The following ZSCAN18 variants were observed in gnomAD, a reference collection of about 807,000 sequenced individuals.
The protein encoded by ZSCAN18 is zinc finger and SCAN domain containing 18.
In ZSCAN18, 16 loss-of-function variants were observed where a neutral mutation model predicts 31.1. That is an observed-to-expected ratio of 0.51 (90% CI 0.35 to 0.78). The LOEUF is 0.78. Ranked by LOEUF, ZSCAN18 falls within the 30% of genes least tolerant of loss-of-function variation. The pLI is 0.01. For synonymous variants in ZSCAN18, 375 were observed against 320.7 expected (o/e 1.17, Z -1.81); for missense variants, 731 against 697.4 (o/e 1.05, Z -0.54).
chr19:58,087,078 G>T, intron 4 of ZSCAN18, 70 bp from the exon 5 acceptor site: 1 of 1,344,914 alleles, frequency 7.4e-7, no homozygotes. Context: ...CAGCCCCACA[G>T]CCACAGGAGC....
In ZSCAN18 at chr19:58,083,993, A is replaced by T. The variant is rs926816530; in HGVS notation, c.*692T>A. Reference sequence around the variant, plus strand: ...GTATGGGTGAAAAGTTTCACAAAACAGTATTTGCCTTTACTACATGATGCA... The same window carrying T: ...GTATGGGTGAAAAGTTTCACAAAACTGTATTTGCCTTTACTACATGATGCA... On this transcript the variant is annotated 3_prime_UTR_variant, in exon 7 of 7. Coordinates refer to ENST00000601144, the MANE Select transcript of ZSCAN18 (RefSeq NM_001145543.2). 1.3e-5 allele frequency: 2 copies of T among 152,244 alleles called. No homozygotes were observed. Among genetic ancestry groups the T allele is most frequent in the Non-Finnish European group, 2.9e-5 (2 of 68,048 alleles). 9.4% of individuals were successfully genotyped at this position (152,244 alleles called of 1,614,324 possible).
Position 58,090,420 on chromosome 19 carries a change from A to G in ZSCAN18, c.-119-34T>C, listed in dbSNP as rs1176168847. ...GACACGGACAAGGCAATGGCCTTGC[A>G]TAAGGCCAGGGCGCAGCCACCCCAG... On this transcript the variant is annotated intron_variant, in intron 1 of 6. Transcript: ENST00000601144. The surrounding 1 kb of genome is among the most constrained non-coding windows in gnomAD (Gnocchi z 4.7). The G allele has an allele frequency of 3.4e-6, 5 of 1,473,176 alleles. No individual in the cohort carries two copies. Among genetic ancestry groups the G allele is most frequent in the Non-Finnish European group, 4.5e-6 (5 of 1,107,116 alleles). 91.3% of individuals were successfully genotyped at this position (1,473,176 alleles called of 1,614,324 possible). A position where few individuals can be genotyped will look rare whatever the true frequency, so the allele number is the denominator to read the frequency against.
intron 2 of ZSCAN18, among the ~76,000 whole-genome samples, chr19:58,089,301 TCAAAAAAAAAAAA>T (rs1379950360): frequency 1.3e-4 from 1 of 7,864 alleles, no homozygotes; most frequent in South Asian, 0.012. Flanking sequence ...AGACTCCGTC[TCAAAAAAAAAAAA>T]AAAAAAAAAA....
In ZSCAN18 at chr19:58,087,410, G is replaced by A. The variant is rs1346177929; in HGVS notation, c.554-6C>T. ...GGGGTCCGGAGAAAGCCAGGCTGGG[G>A]AGAAGGAGAGGCAGAGCTGAGGCAA... On this transcript the variant is annotated splice_polypyrimidine_tract_variant and splice_region_variant and intron_variant, in intron 3 of 6. Transcript: ENST00000601144. 3 of 1,595,856 alleles carry A rather than the reference G, an allele frequency of 1.9e-6. No individual in the cohort carries two copies. Among genetic ancestry groups the A allele is most frequent in the Non-Finnish European group, 8.5e-7 (1 of 1,170,454 alleles).
chr19:58,094,250 A>AAAT (rs1555801562), intron 1 of ZSCAN18, among the ~76,000 whole-genome samples: 12 of 151,394 alleles, frequency 7.9e-5, no homozygotes, highest in African/African-American at 2.9e-4. Context: ...ACAAAAAAAA[A>AAAT]AATAATAATA....
intron 1 of ZSCAN18, among the ~76,000 whole-genome samples, chr19:58,105,844 T>C (rs983131495): frequency 2.6e-5 from 4 of 151,920 alleles, no homozygotes; most frequent in Non-Finnish European, 5.9e-5. Context: ...CCGGCCATAG[T>C]GGTACATGCC....
chr19:58,089,320 A>C (rs1270784530), intron 2 of ZSCAN18, among the ~76,000 whole-genome samples: 14 of 132,540 alleles, frequency 1.1e-4, no homozygotes, highest in East Asian at 4.2e-4. Flanking sequence ...AAAAAAAAAA[A>C]AAAAAAAAAA....
chr19:58,089,893 C>G lies in ZSCAN18; in HGVS notation c.375G>C (p.Glu125Asp). 6.2e-7 allele frequency: 1 copy of G among 1,612,726 alleles called. No individual in the cohort carries two copies. Among genetic ancestry groups the G allele is most frequent in the African/African-American group, 1.3e-5 (1 of 75,034 alleles). Residue 125 changes from glutamate (E) to aspartate (D), a missense_variant, in exon 2 of 7, where the codon GAG becomes GAC. Physicochemically the swap from Glu to Asp is conservative, Grantham distance 45. Coordinates refer to ENST00000601144, the MANE Select transcript of ZSCAN18 (RefSeq NM_001145543.2). ...GCTCTTCCAGGACATCAGCGAGGCC[C>G]TCCACCAGGGAGGCTGCCTTCTTGC... Reference protein sequence around the residue: ...ESCKKAASLVEGLADVLEEPG... With the variant: ...ESCKKAASLVDGLADVLEEPG...
chr19:58,090,584 C>T lies in ZSCAN18; in HGVS notation c.-119-198G>A, dbSNP rs2145985072. 2.0e-6 allele frequency: 1 copy of T among 490,746 alleles called. No individual in the cohort carries two copies. Among genetic ancestry groups the T allele is most frequent in the East Asian group, 3.3e-5 (1 of 30,688 alleles). The allele number at this position is 490,746 out of a possible 1,614,324, so 30.4% of individuals were successfully genotyped here. On this transcript the variant is annotated intron_variant, in intron 1 of 6. Transcript: ENST00000601144. The surrounding 1 kb of genome is among the most constrained non-coding windows in gnomAD (Gnocchi z 4.7). ...TAAATGGAGGGTAACTCATTCTGTG[C>T]ATTACCAGAATTTTTTTTTCTTTGA...
intron 1 of ZSCAN18, among the ~76,000 whole-genome samples, chr19:58,111,531 G>T (rs961469538): frequency 1.3e-4 from 19 of 144,878 alleles, no homozygotes; most frequent in Admixed American, 7.6e-4. Context: ...TTGTTTTTTT[G>T]TTTTTTTTTT....
At chr19:58,087,273 G>A (rs2074300201) in intron 4 of ZSCAN18, 43 bp downstream of exon 4, 2 of 1,551,498 alleles carry the variant, frequency 1.3e-6, no homozygotes, top group Non-Finnish European at 8.8e-7. Context: ...ATGCCTCTAA[G>A]CTGAGGCCAA....
chr19:58,100,696 A>AGGAGTTCAAGACC (rs1555802417), upstream of ZSCAN18, among the ~76,000 whole-genome samples: 3 of 150,030 alleles, frequency 2.0e-5, no homozygotes, highest in East Asian at 2.0e-4. Flanking sequence ...TCACGAGGTC[A>AGGAGTTCAAGACC]ACATGGTGAA....
At chr19:58,115,658 G>C (rs998368222) in intron 1 of ZSCAN18, among the ~76,000 whole-genome samples, 1 of 152,176 alleles carries the variant, frequency 6.6e-6, no homozygotes, top group South Asian at 2.1e-4. Flanking sequence ...AGAAGAACTA[G>C]GTTGAAATAA....
intron 1 of ZSCAN18, chr19:58,108,357 G>C: frequency 3.0e-6 from 3 of 985,478 alleles, no homozygotes; most frequent in Non-Finnish European, 3.6e-6. Context: ...TTTTTCCACA[G>C]TATGACTTCT....
rs373705028 is a variant in ZSCAN18 at position 58,106,690 on chromosome 19, C to T, written c.130+11577G>A. ...CTGCACTCCAGCCTGGGCGACAGAG[C>T]GAGACTCCGTCTCAAAAAAAAAAAA... On this transcript the variant is annotated intron_variant, in intron 1 of 1. Coordinates refer to the ZSCAN18 transcript ENST00000595721. 4.4e-3 allele frequency among the ~76,000 whole-genome samples: 26 copies of T among 5,916 alleles called. 3 individuals are homozygous for T. The highest frequency in any genetic ancestry group is 0.027 in the East Asian group (19 of 706). 3.9% of individuals were successfully genotyped at this position (5,916 alleles called of 152,430 possible). A position where few individuals can be genotyped will look rare whatever the true frequency, so the allele number is the denominator to read the frequency against.
At chr19:58,094,654 G>C (rs968347556) in intron 1 of ZSCAN18, among the ~76,000 whole-genome samples, 12 of 151,796 alleles carry the variant, frequency 7.9e-5, no homozygotes, top group Admixed American at 7.2e-4. Flanking sequence ...ACGGTAGGTG[G>C]ACAGCTTGAG....
chr19:58,116,764 T>C (rs2074733475), intron 1 of ZSCAN18, among the ~76,000 whole-genome samples: 1 of 152,108 alleles, frequency 6.6e-6, no homozygotes, highest in African/African-American at 2.4e-5. Flanking sequence ...AAGGAGAGTG[T>C]TTAGAGGACA....
chr19:58,083,976 GA>G lies in ZSCAN18; in HGVS notation c.*708del, dbSNP rs1275486095. On this transcript the variant is annotated 3_prime_UTR_variant, in exon 7 of 7. Transcript: ENST00000601144. ...AGTTCTCACATTTAGATGTATGGGT[GA>G]AAAGTTTCACAAAACAGTATTTGCC... is the stretch of plus-strand genomic sequence containing the variant. The G allele has an allele frequency of 2.0e-5, 3 of 152,200 alleles. No homozygotes were observed. The highest frequency in any genetic ancestry group is 4.8e-5 in the African/African-American group (2 of 41,438). 9.4% of individuals were successfully genotyped at this position (152,200 alleles called of 1,614,324 possible).
chr19:58,104,024 G>A (rs1220854960), intron 1 of ZSCAN18, among the ~76,000 whole-genome samples: 1 of 152,210 alleles, frequency 6.6e-6, no homozygotes, highest in African/African-American at 2.4e-5. Flanking sequence ...CTAATCCAGA[G>A]CAAGGTCCTG....
Sources: gnomAD v4.1 joint callset for allele counts (sites outside exome capture counted in the v4.1 genomes callset) on GRCh38, gnomAD v4.1.1 for gene constraint, Gnocchi (gnomAD v3.1) non-coding constraint, MANE v1.5 for transcripts, NCBI Gene and HGNC (gene_info 2026-07-23, HGNC 2026-07-21) for gene names.